Variants in ITPKB observed in about 807,000 individuals in gnomAD.
The protein encoded by ITPKB is inositol-trisphosphate 3-kinase B, also known as IP3 3-kinase B.
Under a neutral mutation model 69.4 loss-of-function variants are expected in ITPKB, and 13 were observed. The observed-to-expected ratio is 0.19, with a 90% CI of 0.12 to 0.30. The LOEUF (loss-of-function observed/expected upper bound fraction) is 0.30, where lower values mean the gene tolerates loss of function less well. Ranked by LOEUF, ITPKB falls within the 10% of genes least tolerant of loss-of-function variation. The pLI, the probability that ITPKB is intolerant of heterozygous loss-of-function variation, is 1.00. For synonymous variants in ITPKB, 584 were observed against 513.7 expected (o/e 1.14, Z -1.85); for missense variants, 1,240 against 1,250.5 (o/e 0.99, Z 0.13).
At chr1:226,665,600 C>CTT (rs1254946914) in intron 2 of ITPKB, among the ~76,000 whole-genome samples, 1 of 152,148 alleles carries the variant, frequency 6.6e-6, no homozygotes, top group East Asian at 1.9e-4. Flanking sequence ...AACGACAGAT[C>CTT]ACACAAAAGC....
rs188481186 is a variant in ITPKB, at chr1:226,657,996, C to T, written c.1933-9225G>A. Among the ~76,000 whole-genome samples, 16 of 152,306 alleles carry T rather than the reference C, an allele frequency of 1.1e-4. No individual in the cohort carries two copies. In the East Asian group the frequency reaches 1.2e-3, roughly 11 times the overall value. The stretch of plus-strand genomic sequence containing the variant: ...CAGAACGTCCTTACTGACACACGCT[C>T]GGGGAAGGCACATCTAACAAAGCGT... On this transcript the variant is annotated intron_variant, in intron 2 of 7. Transcript: ENST00000429204.
intron 2 of ITPKB, among the ~76,000 whole-genome samples, chr1:226,705,306 G>A (rs939142831): frequency 6.6e-6 from 1 of 151,768 alleles, no homozygotes; most frequent in African/African-American, 2.4e-5. Flanking sequence ...AAGGCGGGCA[G>A]GTCACCTGAG....
chr1:226,675,575 T>TC (rs1669715779), intron 2 of ITPKB, among the ~76,000 whole-genome samples: 1 of 152,096 alleles, frequency 6.6e-6, no homozygotes, highest in African/African-American at 2.4e-5. Flanking sequence ...CCAGTGAGGG[T>TC]CAGAAGACCT....
intron 3 of ITPKB, among the ~76,000 whole-genome samples, chr1:226,648,119 C>CCCCGGCACTGCCTGG (rs1298713213): frequency 6.6e-6 from 1 of 151,950 alleles, no homozygotes; most frequent in Non-Finnish European, 1.5e-5. Context: ...TGCCTGGACT[C>CCCCGGCACTGCCTGG]AGCTCCTAGC....
chr1:226,706,957 G>T (rs561124870), intron 2 of ITPKB, among the ~76,000 whole-genome samples: 2 of 152,194 alleles, frequency 1.3e-5, no homozygotes, highest in South Asian at 2.1e-4. Context: ...GGCTCAAAAA[G>T]GGGTTTCCAA....
intron 2 of ITPKB, among the ~76,000 whole-genome samples, chr1:226,650,584 G>T (rs1349585652): frequency 1.3e-5 from 2 of 152,238 alleles, no homozygotes; most frequent in Admixed American, 1.3e-4. Context: ...GCAGTGGCTC[G>T]TGGGGACGCC....
At chr1:226,650,466 C>G (rs944108337) in intron 2 of ITPKB, among the ~76,000 whole-genome samples, 4 of 152,228 alleles carry the variant, frequency 2.6e-5, no homozygotes. Context: ...AAGGCTAGAG[C>G]CAGCGGAGGC....
chr1:226,723,576 T>G (rs1184986449), intron 2 of ITPKB, among the ~76,000 whole-genome samples: 6 of 151,364 alleles, frequency 4.0e-5, no homozygotes, highest in African/African-American at 1.5e-4. Context: ...TGTGTGTGGG[T>G]GTGTGTGTAT....
chr1:226,709,199 G>A (rs1656882841), intron 2 of ITPKB, among the ~76,000 whole-genome samples: 1 of 152,230 alleles, frequency 6.6e-6, no homozygotes, highest in South Asian at 2.1e-4. Context: ...AGGATGCCCA[G>A]TTACGTTTGG....
chr1:226,714,780 C>T (rs773728987), intron 2 of ITPKB, among the ~76,000 whole-genome samples: 2 of 152,238 alleles, frequency 1.3e-5, no homozygotes, highest in African/African-American at 4.8e-5. Flanking sequence ...TGTAAACATG[C>T]TTATTCTCTC....
chr1:226,729,338 C>T (rs1340178055), intron 2 of ITPKB, among the ~76,000 whole-genome samples: 3 of 151,708 alleles, frequency 2.0e-5, no homozygotes, highest in Admixed American at 6.6e-5. Flanking sequence ...AAAAATTATC[C>T]GGGCATGGTG....
chr1:226,737,305 T>C lies in ITPKB; in HGVS notation c.154A>G (p.Arg52Gly). 6.3e-7 allele frequency: 1 copy of C among 1,576,456 alleles called. No homozygotes were observed. The highest frequency in any genetic ancestry group is 1.4e-5 in the African/African-American group (1 of 73,948). The part of the protein sequence containing the change: ...LSPGSVFSPG[R>G]GASFLFPPAE... ...GGGGGGAAGAGGAAAGAGGCGCCTC[T>C]CCCGGGGCTGAAAACGCTGCCGGGG... Residue 52 changes from arginine to glycine, a missense_variant, in exon 2 of 8, where the codon AGA (arginine) becomes GGA (glycine). By Grantham distance (125) the Arg-to-Gly change is moderately radical (BLOSUM62 -2). Around this residue, in one of 2 missense-constraint regions of ITPKB, gnomAD observed 992 missense variants for 853.8 expected, o/e 1.16. Coordinates refer to ENST00000429204, the MANE Select transcript of ITPKB (RefSeq NM_002221.4).
At chr1:226,731,927 A>G (rs1657598560) in intron 2 of ITPKB, among the ~76,000 whole-genome samples, 1 of 152,122 alleles carries the variant, frequency 6.6e-6, no homozygotes, top group African/African-American at 2.4e-5. Flanking sequence ...CAACAGATGC[A>G]TTTTTTAAAG....
intron 2 of ITPKB, chr1:226,674,858 C>T (rs1404728935): frequency 6.6e-6 from 1 of 152,196 alleles, no homozygotes; most frequent in Non-Finnish European, 1.5e-5. Context: ...CTTAATGATC[C>T]ACTGAGGCTG....
chr1:226,703,570 G>T (rs1011181314), intron 2 of ITPKB, among the ~76,000 whole-genome samples: 1 of 152,166 alleles, frequency 6.6e-6, no homozygotes, highest in African/African-American at 2.4e-5. Context: ...CGGCCGGGGA[G>T]GGGGCGCCGT....
At position 226,736,154 on chromosome 1, in the gene ITPKB, C is replaced by T. The variant is rs763814337; in HGVS notation, c.1305G>A (p.Gly435=). The T allele has an allele frequency of 6.4e-7, 1 of 1,561,138 alleles. No individual in the cohort carries two copies. ...EARSGAPVGG[G]RWQLSDRVEG... Reference sequence around the variant, plus strand: ...CCACTCTGTCGGAGAGCTGCCAACGCCCCCCGCCCACGGGGGCCCCACTTC... The same window carrying T: ...CCACTCTGTCGGAGAGCTGCCAACGTCCCCCGCCCACGGGGGCCCCACTTC... The change falls in exon 2 of 8, where the codon GGG becomes GGA. Residue 435 remains glycine, a synonymous_variant. Transcript: ENST00000429204.
At position 226,634,907 on chromosome 1, in the gene ITPKB, A is replaced by G; in HGVS notation, c.2626-21T>C. ...ATGACCTGAGGAGAACATGGGGGTG[A>G]AGGGTGAGCTGAAGCCCGGGCCTCG... On this transcript the variant is annotated intron_variant, in intron 7 of 7. Coordinates refer to ENST00000429204, the MANE Select transcript of ITPKB (RefSeq NM_002221.4). This position sits in a 1 kb window ranked among gnomAD's most constrained non-coding sequence, Gnocchi z 6.3. 6.3e-7 allele frequency: 1 copy of G among 1,593,390 alleles called. No individual in the cohort carries two copies. The highest frequency in any genetic ancestry group is 8.6e-7 in the Non-Finnish European group (1 of 1,164,696).
intron 2 of ITPKB, among the ~76,000 whole-genome samples, chr1:226,716,455 G>T (rs1323020172): frequency 6.6e-6 from 1 of 151,936 alleles, no homozygotes; most frequent in Admixed American, 6.6e-5. Context: ...TGCAGGATGT[G>T]CAGTTTTGTT....
At chr1:226,724,591 A>C (rs1657350311) in intron 2 of ITPKB, among the ~76,000 whole-genome samples, 1 of 152,182 alleles carries the variant, frequency 6.6e-6, no homozygotes, top group Non-Finnish European at 1.5e-5. Context: ...CATTTCACAG[A>C]TGATGCAACT....
Sources: allele counts gnomAD v4.1 joint callset (sites outside exome capture counted in the v4.1 genomes callset), GRCh38; gene constraint gnomAD v4.1.1; regional missense constraint gnomAD v4.1.1; non-coding constraint Gnocchi (gnomAD v3.1); transcripts MANE v1.5; gene names NCBI Gene and HGNC (gene_info 2026-07-23, HGNC 2026-07-21).